The following ZBTB7C variants were observed in gnomAD, a reference collection of about 807,000 sequenced individuals.
ZBTB7C encodes the protein zinc finger and BTB domain containing 7C.
In ZBTB7C, 8 loss-of-function variants were observed where a neutral mutation model predicts 25.7. The ratio of observed to expected loss-of-function variants is 0.31; its 90% CI spans 0.18 to 0.56. The LOEUF is 0.56. Ranked by LOEUF, ZBTB7C falls within the 20% of genes least tolerant of loss-of-function variation. The pLI is 0.91. For synonymous variants in ZBTB7C, 394 were observed against 369.0 expected (o/e 1.07, Z -0.78); for missense variants, 824 against 855.2 (o/e 0.96, Z 0.46).
intron 3 of ZBTB7C, among the ~76,000 whole-genome samples, chr18:48,078,032 C>T (rs1449905252): frequency 2.0e-5 from 3 of 152,130 alleles, no homozygotes; most frequent in Non-Finnish European, 4.4e-5. Flanking sequence ...CAAGCTGCCC[C>T]CCATACCATG....
intron 2 of ZBTB7C, among the ~76,000 whole-genome samples, chr18:48,335,361 G>T (rs1228330650): frequency 6.6e-6 from 1 of 152,162 alleles, no homozygotes; most frequent in Non-Finnish European, 1.5e-5. Flanking sequence ...TAGCAAGATA[G>T]AATTTATTAG....
intron 4 of ZBTB7C, among the ~76,000 whole-genome samples, chr18:48,037,660 C>T (rs1036566369): frequency 1.3e-5 from 2 of 152,202 alleles, no homozygotes; most frequent in Admixed American, 1.3e-4. Flanking sequence ...CCAGCAGGGC[C>T]ACCGTGCGAT....
intron 2 of ZBTB7C, among the ~76,000 whole-genome samples, chr18:48,281,176 C>A (rs2044836556): frequency 6.6e-6 from 1 of 151,968 alleles, no homozygotes; most frequent in African/African-American, 2.4e-5. Flanking sequence ...TAATTAAAAT[C>A]TTTGACAAAC....
intron 2 of ZBTB7C, among the ~76,000 whole-genome samples, chr18:48,269,372 T>C (rs1044013151): frequency 3.9e-5 from 6 of 152,070 alleles, no homozygotes; most frequent in Non-Finnish European, 7.4e-5. Context: ...TTCCTAAGGG[T>C]TCTACCCTCA....
At chr18:48,188,127 A>T (rs987666655) in intron 2 of ZBTB7C, among the ~76,000 whole-genome samples, 4 of 152,186 alleles carry the variant, frequency 2.6e-5, no homozygotes, top group African/African-American at 9.7e-5. Context: ...TGTGTCATTC[A>T]CAAGCTTGGA....
At chr18:48,253,105 C>A (rs2043916876) in intron 2 of ZBTB7C, among the ~76,000 whole-genome samples, 1 of 151,712 alleles carries the variant, frequency 6.6e-6, no homozygotes, top group Non-Finnish European at 1.5e-5. Context: ...CTGAGCTGGC[C>A]CTTTAAGGAT....
At chr18:48,327,992 A>C (rs1028837294) in intron 2 of ZBTB7C, among the ~76,000 whole-genome samples, 1 of 151,946 alleles carries the variant, frequency 6.6e-6, no homozygotes, top group Non-Finnish European at 1.5e-5. Context: ...GCGGATCACG[A>C]GGTCAGGAGA....
chr18:48,316,380 G>A (rs1315487752), intron 2 of ZBTB7C, among the ~76,000 whole-genome samples: 1 of 152,202 alleles, frequency 6.6e-6, no homozygotes, highest in African/African-American at 2.4e-5. Context: ...CCTAGCCTGA[G>A]CAGGCAAACA....
In ZBTB7C at chr18:48,320,043, T is replaced by A. The variant is rs1002822196; in HGVS notation, c.-79+18131A>T. ...GAGTAAGCAAAAGATAAAATGTTGATATCCAAGTGTGTTAGGAAGAGAAAT... is the reference window on the plus strand; with the variant it reads ...GAGTAAGCAAAAGATAAAATGTTGAAATCCAAGTGTGTTAGGAAGAGAAAT... On this transcript the variant is annotated intron_variant, in intron 2 of 4. Coordinates refer to ENST00000590800, the MANE Select transcript of ZBTB7C (RefSeq NM_001318841.2). Among the ~76,000 whole-genome samples the A allele has an allele frequency of 2.6e-5, 4 of 151,930 alleles. No individual in the cohort carries two copies. In the South Asian group the frequency reaches 8.3e-4, roughly 32 times the overall value.
At chr18:48,389,395 A>G (rs2047844119) in intron 1 of ZBTB7C, among the ~76,000 whole-genome samples, 1 of 146,978 alleles carries the variant, frequency 6.8e-6, no homozygotes, top group Non-Finnish European at 1.5e-5. Context: ...AGTGGATTCA[A>G]TTCCTGACTC....
chr18:48,105,683 C>T (rs1296435790), intron 3 of ZBTB7C, among the ~76,000 whole-genome samples: 1 of 151,744 alleles, frequency 6.6e-6, no homozygotes, highest in Non-Finnish European at 1.5e-5. Flanking sequence ...GTCTCAAAAA[C>T]AAAACAAAAA....
intron 2 of ZBTB7C, among the ~76,000 whole-genome samples, chr18:48,280,250 G>T (rs937756412): frequency 1.3e-5 from 2 of 151,992 alleles, no homozygotes. Context: ...ACTGCAGCCT[G>T]AGGGTTTCAC....
intron 4 of ZBTB7C, among the ~76,000 whole-genome samples, chr18:48,034,250 C>T (rs1598745753): frequency 2.0e-5 from 3 of 152,226 alleles, no homozygotes; most frequent in Middle Eastern, 3.4e-3. Context: ...ACTGCCATCT[C>T]CTCTGCCAGC....
At chr18:48,282,342 A>T (rs1178211942) in intron 2 of ZBTB7C, among the ~76,000 whole-genome samples, 1 of 149,002 alleles carries the variant, frequency 6.7e-6, no homozygotes, top group South Asian at 2.2e-4. Context: ...GGATAGCATT[A>T]GGAGATATAC....
intron 3 of ZBTB7C, among the ~76,000 whole-genome samples, chr18:48,114,585 AG>A (rs1291045655): frequency 6.6e-6 from 1 of 152,160 alleles, no homozygotes; most frequent in Non-Finnish European, 1.5e-5. Flanking sequence ...TGGGCAACAG[AG>A]AAAAACTCTG....
chr18:48,147,358 G>T (rs541824122), intron 3 of ZBTB7C, among the ~76,000 whole-genome samples: 6 of 152,042 alleles, frequency 3.9e-5, no homozygotes, highest in African/African-American at 1.4e-4. Flanking sequence ...GATTACACGC[G>T]TGAGCTACCG....
chr18:48,071,845 C>G (rs780250324), intron 3 of ZBTB7C, among the ~76,000 whole-genome samples: 2 of 152,178 alleles, frequency 1.3e-5, no homozygotes, highest in African/African-American at 4.8e-5. Flanking sequence ...CTACCACATG[C>G]GTGAACTTTG....
At chr18:48,064,570 C>A (rs10853561) in intron 3 of ZBTB7C, among the ~76,000 whole-genome samples, 2 of 151,968 alleles carry the variant, frequency 1.3e-5, no homozygotes, top group Non-Finnish European at 2.9e-5. Context: ...TGGCAAAACC[C>A]CATTTCTACA....
chr18:48,301,428 A>G (rs1385819884), intron 2 of ZBTB7C, among the ~76,000 whole-genome samples: 1 of 152,176 alleles, frequency 6.6e-6, no homozygotes, highest in African/African-American at 2.4e-5. Context: ...GCAGTGAGCC[A>G]AGATCGCACC....
Sources: allele counts gnomAD v4.1 joint callset (sites outside exome capture counted in the v4.1 genomes callset), GRCh38; gene constraint gnomAD v4.1.1; transcripts MANE v1.5; gene names NCBI Gene and HGNC (gene_info 2026-07-23, HGNC 2026-07-21).